FGFR1: variants seen among roughly 807,000 people sequenced by gnomAD.
FGFR1 encodes the protein FGFR1/PLAG1 fusion.
In FGFR1, 18 loss-of-function variants were observed where a neutral mutation model predicts 93.7. The ratio of observed to expected loss-of-function variants is 0.19; its 90% confidence interval spans 0.13 to 0.28. The LOEUF is 0.28. Ranked by LOEUF, FGFR1 falls within the 10% of genes least tolerant of loss-of-function variation. The pLI is 1.00. For synonymous variants in FGFR1, 448 were observed against 429.3 expected, an observed-to-expected ratio of 1.04 and a Z score of -0.54; for missense variants, 731 against 1,080.4, an observed-to-expected ratio of 0.68 and a Z score of 4.53.
intron 9 of FGFR1, among the ~76,000 whole-genome samples, chr8:38,419,105 T>A (rs2150695216): frequency 6.6e-6 from 1 of 152,358 alleles, no homozygotes; most frequent in South Asian, 2.1e-4. Context: ...CGTGGAACTG[T>A]GAGTCCATTA....
intron 2 of FGFR1, among the ~76,000 whole-genome samples, chr8:38,435,869 G>A (rs1825218775): frequency 6.6e-6 from 1 of 152,186 alleles, no homozygotes; most frequent in South Asian, 2.1e-4. Flanking sequence ...CTGATTAATT[G>A]GAATCAGATA....
Position 38,413,730 on chromosome 8 carries a change from G to A in FGFR1, c.2367C>T (p.Ser789=), listed in dbSNP as rs770834000. ...GAGAGAAGACGGAATCCTCCCCTGA[G>A]GAGCACGTAGAGCTCCGGGTGTCGG... ...SFPDTRSSTC[S]SGEDSVFSHE... The change falls in exon 18 of 18, where the codon TCC becomes TCT. Residue 789 remains serine (S), a synonymous_variant. Coordinates refer to ENST00000447712, the MANE Select transcript of FGFR1 (RefSeq NM_023110.3). This position sits in a 1 kb window ranked among gnomAD's most constrained non-coding sequence, Gnocchi z 4.2. The A allele has an allele frequency of 4.3e-6, 7 of 1,614,010 alleles. No individual in the cohort carries two copies. Among genetic ancestry groups the A allele is most frequent in the Non-Finnish European group, 8.5e-7 (1 of 1,180,020 alleles).
rs768223019 is a variant in FGFR1, at chr8:38,416,030, G to A, written c.1694C>T (p.Ser565Phe). 6.2e-7 allele frequency: 1 copy of A among 1,613,530 alleles called. No individual in the cohort carries two copies. Among genetic ancestry groups the A allele is most frequent in the Admixed American group, 1.7e-5 (1 of 59,992 alleles). ...GPLYVIVEYA[S>F]KGNLREYLQA... Reference sequence around the variant, plus strand: ...CAGGTACTCCCGCAGGTTGCCCTTGGAGGCATACTCCACGATGACATACAA... The same window carrying A: ...CAGGTACTCCCGCAGGTTGCCCTTGAAGGCATACTCCACGATGACATACAA... Residue 565 changes from serine (S) to phenylalanine (F), a missense_variant, in exon 13 of 18, where the codon TCC becomes TTC. By Grantham distance (155) the Ser-to-Phe change is radical (BLOSUM62 -2). Coordinates refer to ENST00000447712, the MANE Select transcript of FGFR1 (RefSeq NM_023110.3).
rs746267671 is a variant in FGFR1, at chr8:38,421,976, C to T, written c.937-35G>A. The T allele has an allele frequency of 5.0e-6, 8 of 1,613,162 alleles. No individual in the cohort carries two copies. The East Asian group carries it at 1.8e-4, about 36-fold the overall frequency. On this transcript the variant is annotated intron_variant, in intron 7 of 17. Coordinates refer to ENST00000447712, the MANE Select transcript of FGFR1 (RefSeq NM_023110.3). ...ACAACGGAAGCAAAATGGACAAGCA[C>T]AGGACATGAGACCTCTAAGAGACGC...
intron 2 of FGFR1, among the ~76,000 whole-genome samples, chr8:38,443,435 G>C (rs982122777): frequency 6.6e-6 from 1 of 151,308 alleles, no homozygotes; most frequent in Non-Finnish European, 1.5e-5. Flanking sequence ...TGAGGTGAGA[G>C]GATTGTTTGA....
At chr8:38,458,750 T>G (rs904923140) in intron 1 of FGFR1, 20 of 219,604 alleles carry the variant, frequency 9.1e-5, no homozygotes, top group Admixed American at 5.8e-5. Context: ...AATGACCTCC[T>G]GGGTACTTTC....
At chr8:38,439,327 G>C (rs933545276) in intron 2 of FGFR1, among the ~76,000 whole-genome samples, 22 of 152,064 alleles carry the variant, frequency 1.4e-4, no homozygotes, top group African/African-American at 5.1e-4. Context: ...TGGGCCACAG[G>C]AGACAGCACC....
rs1814784744 is a variant in FGFR1 at position 38,412,731 on chromosome 8, G to T, written c.*897C>A. 4.3e-6 allele frequency: 1 copy of T among 233,338 alleles called. No homozygotes were observed. 14.5% of individuals were successfully genotyped at this position (233,338 alleles called of 1,614,324 possible). On this transcript the variant is annotated 3_prime_UTR_variant, in exon 18 of 18. Transcript: ENST00000447712. ...CTTTTCATACAGCCCATAGATAAATGAAGCAGCAGCAATTTTTATTGAGGG... is the reference window on the plus strand; with the variant it reads ...CTTTTCATACAGCCCATAGATAAATTAAGCAGCAGCAATTTTTATTGAGGG...
chr8:38,447,952 A>G (rs1213058261), intron 2 of FGFR1, among the ~76,000 whole-genome samples: 2 of 152,220 alleles, frequency 1.3e-5, no homozygotes, highest in African/African-American at 4.8e-5. Flanking sequence ...AAACTATTGA[A>G]AATAACCTAA....
rs575766741 is a variant in FGFR1, at chr8:38,418,295, G to C, written c.1363C>G (p.Pro455Ala). Residue 455 changes from proline to alanine, a missense_variant, in exon 10 of 18, where the codon CCC becomes GCC. Physicochemically the swap from Pro to Ala is conservative, Grantham distance 27. This residue lies in a region of FGFR1 where 146 missense variants were observed against 173.0 expected (regional missense o/e 0.84). Coordinates refer to ENST00000447712, the MANE Select transcript of FGFR1 (RefSeq NM_023110.3). ...RPSRLSSSGT[P>A]MLAGVSEYEL... ...TACTCAGAGACCCCTGCTAGCATGG[G>C]AGTCCCACTGGAGGAGAGCCGTGAT... The C allele has an allele frequency of 3.7e-6, 6 of 1,614,230 alleles. No individual in the cohort carries two copies. Among genetic ancestry groups the C allele is most frequent in the Admixed American group, 1.7e-5 (1 of 60,024 alleles).
intron 2 of FGFR1, chr8:38,440,471 T>C: frequency 1.6e-5 from 16 of 995,372 alleles, no homozygotes; most frequent in Non-Finnish European, 2.2e-5. Flanking sequence ...GGGGCACAGG[T>C]ATGTGTGGAA....
intron 12 of FGFR1, 105 bp downstream of exon 12, chr8:38,417,201 C>T (rs1345906334): frequency 6.6e-6 from 6 of 903,144 alleles, no homozygotes; most frequent in Admixed American, 1.7e-5. Flanking sequence ...AGCAGCCTCT[C>T]TTAACCCCCT....
chr8:38,421,446 C>T (rs922389899), intron 8 of FGFR1, among the ~76,000 whole-genome samples: 5 of 152,152 alleles, frequency 3.3e-5, no homozygotes, highest in Non-Finnish European at 7.3e-5. Context: ...TTCAGATGCT[C>T]AGTACCCAGC....
chr8:38,415,485 A>T (rs1190025596), intron 13 of FGFR1, among the ~76,000 whole-genome samples: 2 of 140,190 alleles, frequency 1.4e-5, no homozygotes. Flanking sequence ...TTTTTTTTTT[A>T]AAGACGGGGT....
intron 4 of FGFR1, 105 bp downstream of exon 4, chr8:38,428,241 C>T (rs760711226): frequency 7.9e-5 from 115 of 1,456,016 alleles, no homozygotes; most frequent in Non-Finnish European, 1.0e-4. Flanking sequence ...GAACAGGCAC[C>T]GTGACCCCAT....
chr8:38,419,512 G>A (rs1414749044), intron 9 of FGFR1, 21 bp downstream of exon 9: 2 of 1,607,850 alleles, frequency 1.2e-6, no homozygotes, highest in Non-Finnish European at 1.7e-6. Context: ...TGCTGAGTGT[G>A]CAAATCCCCC....
At chr8:38,443,822 G>T (rs918680522) in intron 2 of FGFR1, among the ~76,000 whole-genome samples, 2 of 152,116 alleles carry the variant, frequency 1.3e-5, no homozygotes, top group Admixed American at 1.3e-4. Context: ...GGGAAGCTGA[G>T]GTGGGCGGAT....
intron 1 of FGFR1, among the ~76,000 whole-genome samples, chr8:38,462,703 G>A (rs1367037545): frequency 5.3e-5 from 8 of 151,266 alleles, no homozygotes; most frequent in African/African-American, 1.5e-4. Context: ...ACCGCCTCCC[G>A]GGTTCAAACG....
At chr8:38,418,133 T>G (rs1273508625) in intron 10 of FGFR1, 95 bp downstream of exon 10, 5 of 1,608,148 alleles carry the variant, frequency 3.1e-6, no homozygotes, top group African/African-American at 2.7e-5. Context: ...TTCATGAACC[T>G]TCACCGCCCA....
Sources: gnomAD v4.1 joint callset for allele counts (sites outside exome capture counted in the v4.1 genomes callset) on GRCh38, gnomAD v4.1.1 for gene constraint, gnomAD v4.1.1 regional missense constraint, Gnocchi (gnomAD v3.1) non-coding constraint, MANE v1.5 for transcripts, NCBI Gene and HGNC (gene_info 2026-07-23, HGNC 2026-07-21) for gene names.